The following TEX29 variants were observed in gnomAD, a reference collection of about 807,000 sequenced individuals.
The protein encoded by TEX29 is testis expressed 29.
A neutral mutation model predicts 18.2 loss-of-function variants in TEX29; 26 were observed. The observed-to-expected ratio is 1.43, with a 90% CI of 1.04 to 1.98. TEX29 has a LOEUF of 1.98. Among genes scored for constraint, TEX29 ranks in the 30% most tolerant of loss-of-function variants. The pLI, the probability that TEX29 is intolerant of heterozygous loss-of-function variation, is 0.00. For synonymous variants in TEX29, 83 were observed against 78.5 expected (o/e 1.06, Z -0.31); for missense variants, 177 against 194.2 (o/e 0.91, Z 0.53).
chr13:111,339,510 C>T (rs1295417122), intron 3 of TEX29: 17 of 416,334 alleles, frequency 4.1e-5, no homozygotes, highest in East Asian at 1.1e-4. Flanking sequence ...AATGCACCCC[C>T]GGGGGTCATG....
At chr13:111,339,606 A>G (rs1191830985) in intron 3 of TEX29, among the ~76,000 whole-genome samples, 6 of 152,016 alleles carry the variant, frequency 3.9e-5, no homozygotes, top group Non-Finnish European at 8.8e-5. Context: ...GGTGGTCACA[A>G]GGTGTCCTCT....
intron 3 of TEX29, among the ~76,000 whole-genome samples, chr13:111,330,031 G>C (rs182063580): frequency 2.7e-5 from 4 of 150,754 alleles, no homozygotes; most frequent in African/African-American, 1.0e-4. Flanking sequence ...GTGTTGCAAA[G>C]AAAGTACATT....
intron 3 of TEX29, among the ~76,000 whole-genome samples, chr13:111,328,996 C>A (rs372352537): frequency 1.3e-5 from 2 of 152,206 alleles, no homozygotes; most frequent in African/African-American, 4.8e-5. Flanking sequence ...GGATGGCCTG[C>A]GCGTGAAGGG....
At chr13:111,319,163 G>T (rs1170885302), upstream of TEX29, among the ~76,000 whole-genome samples, 5 of 152,110 alleles carry the variant, frequency 3.3e-5, no homozygotes, top group African/African-American at 1.2e-4. Flanking sequence ...GTGCATTTTG[G>T]GAGGACACAA....
At chr13:111,321,793 G>T (rs978874987) in intron 2 of TEX29, among the ~76,000 whole-genome samples, 11 of 152,004 alleles carry the variant, frequency 7.2e-5, no homozygotes, top group Admixed American at 1.3e-4. Flanking sequence ...CGTGGTGGCG[G>T]GTTGCCTGTA....
At chr13:111,340,059 T>G in intron 4 of TEX29, 127 bp downstream of exon 4, 1 of 826,244 alleles carries the variant, frequency 1.2e-6, no homozygotes, top group Non-Finnish European at 2.0e-6. Context: ...CAGCTCTCCG[T>G]GAGCCTGGGA....
intron 4 of TEX29, 104 bp downstream of exon 4, chr13:111,340,036 G>C (rs1798167040): frequency 1.9e-6 from 2 of 1,073,262 alleles, no homozygotes; most frequent in Admixed American, 3.5e-5. Context: ...GGTGCTGCTG[G>C]GGTGACTGAG....
intron 3 of TEX29, among the ~76,000 whole-genome samples, chr13:111,331,508 GTCTTT>G (rs1053723369): frequency 9.2e-5 from 14 of 151,840 alleles, no homozygotes; most frequent in African/African-American, 2.7e-4. Flanking sequence ...TCTCTTACAT[GTCTTT>G]TCTTTTTCTT....
At chr13:111,332,080 A>C (rs369378845) in intron 3 of TEX29, among the ~76,000 whole-genome samples, 22 of 152,288 alleles carry the variant, frequency 1.4e-4, no homozygotes, top group African/African-American at 5.3e-4. Flanking sequence ...TTTCTGCAGA[A>C]AAGAGGTCCT....
At chr13:111,317,702 C>G (rs2093656889), upstream of TEX29, among the ~76,000 whole-genome samples, 1 of 152,238 alleles carries the variant, frequency 6.6e-6, no homozygotes, top group East Asian at 1.9e-4. Context: ...GCTTTCTTCT[C>G]GCTGGCTCTG....
intron 3 of TEX29, among the ~76,000 whole-genome samples, chr13:111,334,911 A>G (rs2093687510): frequency 6.6e-6 from 1 of 152,158 alleles, no homozygotes; most frequent in Non-Finnish European, 1.5e-5. Context: ...TGGCTTTACC[A>G]TGATTACAGG....
intron 3 of TEX29, among the ~76,000 whole-genome samples, chr13:111,332,062 C>A (rs1199042118): frequency 6.6e-6 from 1 of 152,088 alleles, no homozygotes; most frequent in East Asian, 1.9e-4. Context: ...TCAAATTTAG[C>A]TTGTCAATTT....
intron 2 of TEX29, among the ~76,000 whole-genome samples, chr13:111,325,231 C>T (rs1442064068): frequency 6.6e-6 from 1 of 152,248 alleles, no homozygotes; most frequent in Non-Finnish European, 1.5e-5. Flanking sequence ...TTCCCCTAGC[C>T]TGGCCCAGCC....
intron 2 of TEX29, among the ~76,000 whole-genome samples, chr13:111,323,633 C>T (rs570814317): frequency 1.4e-4 from 22 of 152,170 alleles, no homozygotes; most frequent in Non-Finnish European, 2.6e-4. Context: ...TCCGAATCCC[C>T]GGGATCTGTG....
intron 3 of TEX29, among the ~76,000 whole-genome samples, chr13:111,332,488 T>G (rs2093684161): frequency 6.6e-6 from 1 of 152,150 alleles, no homozygotes; most frequent in Admixed American, 6.6e-5. Context: ...AATATAGTTT[T>G]ACTTCTTTTT....
chr13:111,324,276 T>A (rs1334476485), intron 2 of TEX29, among the ~76,000 whole-genome samples: 1 of 152,206 alleles, frequency 6.6e-6, no homozygotes, highest in Non-Finnish European at 1.5e-5. Context: ...AACCCTCAGC[T>A]GGGACATTCT....
chr13:111,320,998 G>A (rs778454385), intron 2 of TEX29, 50 bp downstream of exon 2: 30 of 1,040,350 alleles, frequency 2.9e-5, no homozygotes, highest in Non-Finnish European at 3.4e-5. Context: ...GAGCAGTTGG[G>A]GGGGGGCACA....
chr13:111,339,965 G>A (rs763830363), intron 4 of TEX29, 33 bp downstream of exon 4: 4 of 1,487,014 alleles, frequency 2.7e-6, no homozygotes, highest in African/African-American at 1.4e-5. Flanking sequence ...GGGAGGGTGG[G>A]GAGGAGGGGA....
At chr13:111,321,590 C>T (rs888645970) in intron 2 of TEX29, among the ~76,000 whole-genome samples, 2 of 151,698 alleles carry the variant, frequency 1.3e-5, no homozygotes, top group Non-Finnish European at 2.9e-5. Context: ...ATCTTGTGTT[C>T]ATGCAATGCT....
Sources: gnomAD v4.1 joint callset for allele counts (sites outside exome capture counted in the v4.1 genomes callset) on GRCh38, gnomAD v4.1.1 for gene constraint, MANE v1.5 for transcripts, NCBI Gene and HGNC (gene_info 2026-07-23, HGNC 2026-07-21) for gene names.